MAP2: variants seen among roughly 807,000 people sequenced by gnomAD.
MAP2 encodes the protein microtubule-associated protein 2.
MAP2 carries 14 observed loss-of-function variants against 137.6 expected under a neutral mutation model. That is an observed-to-expected ratio of 0.10 (90% CI 0.07 to 0.16). The LOEUF (loss-of-function observed/expected upper bound fraction) is 0.16, where lower values mean the gene tolerates loss of function less well. MAP2 is among the 10% of genes least tolerant of loss of function. MAP2 has a pLI of 1.00. For synonymous variants in MAP2, 786 were observed against 782.3 expected (o/e 1.00, Z -0.08); for missense variants, 2,088 against 2,191.5 (o/e 0.95, Z 0.94).
At chr2:209,532,421 A>C (rs1229501806) in intron 2 of MAP2, among the ~76,000 whole-genome samples, 1 of 152,068 alleles carries the variant, frequency 6.6e-6, no homozygotes, top group Non-Finnish European at 1.5e-5. Context: ...ATTTCATTGA[A>C]TCCTTTAGCA....
Position 209,592,796 on chromosome 2 carries a change from GA to G in MAP2, c.-107+12697del, listed in dbSNP as rs370495831. Among the ~76,000 whole-genome samples the G allele has an allele frequency of 4.0e-3, 615 of 152,190 alleles. 5 individuals carry two copies. The highest frequency in any genetic ancestry group is 0.014 in the African/African-American group (580 of 41,548). On this transcript the variant is annotated intron_variant, in intron 3 of 15. Coordinates refer to ENST00000682079, the MANE Select transcript of MAP2 (RefSeq NM_001375505.1). ...ATTTGGCAATCAGACTATTTTTAAT[GA>G]TATCTTTTTAATTCAAAGGAATTGT...
chr2:209,496,024 T>TA (rs2059708198), intron 1 of MAP2, among the ~76,000 whole-genome samples: 1 of 152,208 alleles, frequency 6.6e-6, no homozygotes, highest in African/African-American at 2.4e-5. Flanking sequence ...CCAGCATTGT[T>TA]ACGGCAGCTA....
chr2:209,720,367 G>A (rs1234119705), intron 13 of MAP2, among the ~76,000 whole-genome samples: 2 of 152,068 alleles, frequency 1.3e-5, no homozygotes, highest in Admixed American at 6.5e-5. Context: ...GGCCGGGCAC[G>A]GTGGCTCACG....
At chr2:209,606,583 C>A (rs2084851365) in intron 3 of MAP2, among the ~76,000 whole-genome samples, 1 of 152,044 alleles carries the variant, frequency 6.6e-6, no homozygotes, top group Non-Finnish European at 1.5e-5. Context: ...ATTCTGTGGG[C>A]AAAGTCTAGT....
chr2:209,646,880 ATAG>A (rs2094453353), intron 4 of MAP2, among the ~76,000 whole-genome samples: 1 of 152,128 alleles, frequency 6.6e-6, no homozygotes, highest in African/African-American at 2.4e-5. Flanking sequence ...TTCTAAATTA[ATAG>A]AACATTTGGT....
At chr2:209,476,851 C>T (rs143740044) in intron 1 of MAP2, among the ~76,000 whole-genome samples, 56 of 152,082 alleles carry the variant, frequency 3.7e-4, no homozygotes, top group Non-Finnish European at 6.0e-4. Context: ...GAAAAGTGAG[C>T]TCTTTGGAAA....
rs564173411 is a variant in MAP2, at chr2:209,700,107, T to C, written c.4523-170T>C. 1.3e-3 allele frequency among the ~76,000 whole-genome samples: 198 copies of C among 152,352 alleles called. 1 individual carries two copies. Among genetic ancestry groups the C allele is most frequent in the African/African-American group, 4.5e-3 (188 of 41,594 alleles). Reference sequence around the variant, plus strand: ...CACTATTTGTTGGAGCCACATGCTATGTTATTGTTATTCATGTTACTTGAG... The same window carrying C: ...CACTATTTGTTGGAGCCACATGCTACGTTATTGTTATTCATGTTACTTGAG... On this transcript the variant is annotated intron_variant, in intron 10 of 15. Transcript: ENST00000682079.
At chr2:209,453,067 A>G (rs780485269) in intron 1 of MAP2, among the ~76,000 whole-genome samples, 2 of 152,142 alleles carry the variant, frequency 1.3e-5, no homozygotes, top group African/African-American at 2.4e-5. Context: ...CTGCATGTCT[A>G]TATTTTAAGT....
intron 6 of MAP2, 64 bp from the exon 7 acceptor site, chr2:209,680,686 T>C: frequency 7.3e-7 from 1 of 1,379,000 alleles, no homozygotes; most frequent in Non-Finnish European, 1.0e-6. Flanking sequence ...CAGAACTTCC[T>C]ACACATCTAC....
chr2:209,592,504 T>G (rs1417037228), intron 3 of MAP2, among the ~76,000 whole-genome samples: 2 of 152,198 alleles, frequency 1.3e-5, no homozygotes, highest in Non-Finnish European at 2.9e-5. Flanking sequence ...TCTGAGTCCT[T>G]ACTTGTTTTA....
At chr2:209,535,558 C>CTTT (rs1325695071) in intron 2 of MAP2, among the ~76,000 whole-genome samples, 2 of 137,724 alleles carry the variant, frequency 1.5e-5, no homozygotes, top group Non-Finnish European at 1.6e-5. Context: ...GGCAAAGTGT[C>CTTT]TTTTTTTTTT....
intron 2 of MAP2, among the ~76,000 whole-genome samples, chr2:209,525,499 G>T (rs993153676): frequency 6.6e-6 from 1 of 152,174 alleles, no homozygotes; most frequent in Non-Finnish European, 1.5e-5. Context: ...TGTTGGCAAT[G>T]TCTGTTGCTG....
chr2:209,526,551 C>T (rs112162111), intron 2 of MAP2, among the ~76,000 whole-genome samples: 3,935 of 148,212 alleles, frequency 0.027, 61 homozygotes, highest in Non-Finnish European at 0.033. Flanking sequence ...GGGTAAAATA[C>T]GTGAGTATTT....
intron 1 of MAP2, among the ~76,000 whole-genome samples, chr2:209,439,219 T>C (rs1483593124): frequency 6.6e-6 from 1 of 151,620 alleles, no homozygotes. Flanking sequence ...GTTATTTCTG[T>C]GTACCCACAT....
chr2:209,640,080 G>A (rs1301756586), intron 4 of MAP2, among the ~76,000 whole-genome samples: 3 of 152,052 alleles, frequency 2.0e-5, no homozygotes, highest in Non-Finnish European at 4.4e-5. Context: ...TTTCTTCCTA[G>A]AAAGCTTCTT....
intron 2 of MAP2, among the ~76,000 whole-genome samples, chr2:209,552,229 T>C (rs1026637996): frequency 1.3e-5 from 2 of 151,150 alleles, no homozygotes; most frequent in Non-Finnish European, 3.0e-5. Context: ...CCTTTTAAAC[T>C]TTTTTTTTGT....
chr2:209,588,469 T>A (rs1350200251), intron 3 of MAP2, among the ~76,000 whole-genome samples: 4 of 152,164 alleles, frequency 2.6e-5, no homozygotes, highest in Non-Finnish European at 5.9e-5. Flanking sequence ...ATGGCAATTA[T>A]TAAGGAAAAG....
chr2:209,434,810 A>G (rs1281804009), intron 1 of MAP2, among the ~76,000 whole-genome samples: 1 of 129,154 alleles, frequency 7.7e-6, no homozygotes, highest in Non-Finnish European at 1.6e-5. Flanking sequence ...TGACAGAGCC[A>G]GATCCTCTCT....
At position 209,678,620 on chromosome 2, in the gene MAP2, C is replaced by A. The variant is rs2053067146; in HGVS notation, c.311C>A (p.Ala104Glu). 1 of 1,607,204 alleles carries A rather than the reference C, an allele frequency of 6.2e-7. No homozygotes were observed. Among genetic ancestry groups the A allele is most frequent in the Non-Finnish European group, 8.5e-7 (1 of 1,176,496 alleles). The change falls in exon 6 of 16, where the codon GCA (alanine) becomes GAA (glutamate). Residue 104 changes from alanine to glutamate, a missense_variant. This residue lies in a region of MAP2 where 859 missense variants were observed against 794.5 expected (regional missense o/e 1.08). Transcript: ENST00000682079. ...CAAGTAGTCACTGCTGAGGCTGTAG[C>A]AGTCCTGAAAGGTGAACAAGAGAAA... is the stretch of plus-strand genomic sequence containing the variant. ...IVQVVTAEAV[A>E]VLKGEQEKEA...
Sources: gnomAD v4.1 joint callset for allele counts (sites outside exome capture counted in the v4.1 genomes callset) on GRCh38, gnomAD v4.1.1 for gene constraint, gnomAD v4.1.1 regional missense constraint, MANE v1.5 for transcripts, NCBI Gene and HGNC (gene_info 2026-07-23, HGNC 2026-07-21) for gene names.